The following OTUB2 variants were observed in gnomAD, a reference collection of about 807,000 sequenced individuals.
The protein encoded by OTUB2 is ubiquitin thioesterase OTUB2.
In OTUB2, 21 loss-of-function variants were observed where a neutral mutation model predicts 25.1. The observed-to-expected ratio is 0.84, with a 90% CI of 0.59 to 1.21. The LOEUF (loss-of-function observed/expected upper bound fraction) is 1.21, where lower values mean the gene tolerates loss of function less well. Ranked by LOEUF, OTUB2 falls within the 50% of genes most tolerant of loss-of-function variation. The pLI, the probability that OTUB2 is intolerant of heterozygous loss-of-function variation, is 0.00. For missense variants in OTUB2, 283 were observed against 298.0 expected, an observed-to-expected ratio of 0.95 and a Z score of 0.37; for synonymous variants, 122 against 122.8, an observed-to-expected ratio of 0.99 and a Z score of 0.04.
At chr14:94,031,106 T>C (rs1347181419) in intron 1 of OTUB2, among the ~76,000 whole-genome samples, 1 of 151,956 alleles carries the variant, frequency 6.6e-6, no homozygotes, top group Non-Finnish European at 1.5e-5. Context: ...ATCGCTCACC[T>C]CATCAATACA....
chr14:94,038,860 A>T, intron 2 of OTUB2, 103 bp from the exon 3 acceptor site: 2 of 982,082 alleles, frequency 2.0e-6, no homozygotes, highest in Admixed American at 3.4e-5. Context: ...GAGGGAGCAG[A>T]CATTTCCTGG....
At chr14:94,040,592 A>C (rs1885142384) in intron 3 of OTUB2, among the ~76,000 whole-genome samples, 1 of 152,036 alleles carries the variant, frequency 6.6e-6, no homozygotes, top group African/African-American at 2.4e-5. Flanking sequence ...CAGCGCCTGC[A>C]TTTCTCTCTG....
At chr14:94,035,479 C>T (rs781017510) in intron 1 of OTUB2, among the ~76,000 whole-genome samples, 12 of 151,832 alleles carry the variant, frequency 7.9e-5, no homozygotes, top group Middle Eastern at 3.4e-3. Flanking sequence ...TTAGTAGAGA[C>T]GAGGTTTCGC....
intron 3 of OTUB2, 31 bp downstream of exon 3, chr14:94,039,112 G>A: frequency 6.5e-7 from 1 of 1,547,688 alleles, no homozygotes; most frequent in Non-Finnish European, 8.9e-7. Flanking sequence ...GCCTGTCAGG[G>A]CTGTGTTCTC....
intron 5 of OTUB2, among the ~76,000 whole-genome samples, chr14:94,045,187 GC>G (rs1885246712): frequency 6.6e-6 from 1 of 152,170 alleles, no homozygotes; most frequent in African/African-American, 2.4e-5. Context: ...CCAGGTCCTT[GC>G]TCTTGCAGGG....
Position 94,043,854 on chromosome 14 carries a change from C to T in OTUB2, c.219-117C>T, listed in dbSNP as rs74543970. ...TTGGGGGCAGGGGCGGGAGGTTCTG[C>T]GGCTGGACTAGAGATGAGGTTGGTG... On this transcript the variant is annotated intron_variant, in intron 3 of 5. Coordinates refer to ENST00000203664, the MANE Select transcript of OTUB2 (RefSeq NM_023112.4). The T allele has an allele frequency of 5.9e-3, 5,272 of 890,362 alleles. 158 individuals are homozygous for T. The African/African-American group carries it at 0.072, about 12-fold the overall frequency. The allele number at this position is 890,362 out of a possible 1,614,324, so 55.2% of individuals were successfully genotyped here.
chr14:94,045,821 GC>G lies in OTUB2; in HGVS notation c.607del (p.Leu203Ter), dbSNP rs1885264876. 1 of 1,614,148 alleles carries G rather than the reference GC, an allele frequency of 6.2e-7. No individual in the cohort carries two copies. Among genetic ancestry groups the G allele is most frequent in the East Asian group, 2.2e-5 (1 of 44,878 alleles). On this transcript the variant is annotated frameshift_variant, in exon 6 of 6. Transcript: ENST00000203664. LOFTEE classifies it high-confidence loss of function. ...QVEYVDEMDT[A>X]LNHHVFPEAA... ...GGAGTACGTGGACGAGATGGATACC[GC>G]CCTGAACCACCACGTGTTCCCTGAG...
At chr14:94,041,811 T>C (rs12435223) in intron 3 of OTUB2, among the ~76,000 whole-genome samples, 11,977 of 152,290 alleles carry the variant, frequency 0.079, 1,398 homozygotes, top group African/African-American at 0.25. Flanking sequence ...GGCTGTGGGT[T>C]CCTTGGGCCC....
chr14:94,030,023 A>G (rs1156822809), intron 1 of OTUB2, among the ~76,000 whole-genome samples: 1 of 152,198 alleles, frequency 6.6e-6, no homozygotes, highest in African/African-American at 2.4e-5. Context: ...GAAGGAACAC[A>G]GAGAGGGCCA....
At chr14:94,033,634 C>T (rs539214812) in intron 1 of OTUB2, among the ~76,000 whole-genome samples, 3 of 152,322 alleles carry the variant, frequency 2.0e-5, no homozygotes, top group Admixed American at 2.0e-4. Flanking sequence ...TCTGTATAAA[C>T]AACAAGGCTT....
intron 1 of OTUB2, among the ~76,000 whole-genome samples, chr14:94,029,846 G>T (rs1884927335): frequency 6.6e-6 from 1 of 152,188 alleles, no homozygotes; most frequent in Admixed American, 6.5e-5. Context: ...GTAAACAGGC[G>T]AGCCTATGAG....
At position 94,046,967 on chromosome 14, in the gene OTUB2, A is replaced by G. The variant is rs1567054885; in HGVS notation, c.*1045A>G. The G allele has an allele frequency of 1.3e-5, 2 of 152,416 alleles. No individual in the cohort carries two copies. The highest frequency in any genetic ancestry group is 1.5e-5 in the Non-Finnish European group (1 of 68,266). The allele number at this position is 152,416 out of a possible 1,614,324, so 9.4% of individuals were successfully genotyped here. A position where few individuals can be genotyped will look rare whatever the true frequency, so the allele number is the denominator to read the frequency against. Reference sequence around the variant, plus strand: ...ATTTCCACTGTGGAAACCGCCTGGGAATTCCGGCCAGCAGCTTCCTCCTTC... The same window carrying G: ...ATTTCCACTGTGGAAACCGCCTGGGGATTCCGGCCAGCAGCTTCCTCCTTC... On this transcript the variant is annotated 3_prime_UTR_variant, in exon 6 of 6. Transcript: ENST00000203664.
intron 1 of OTUB2, among the ~76,000 whole-genome samples, chr14:94,033,292 C>T (rs961103122): frequency 1.3e-5 from 2 of 152,170 alleles, no homozygotes; most frequent in Non-Finnish European, 1.5e-5. Flanking sequence ...GTTAATAGAG[C>T]AAGTGGAAAC....
chr14:94,048,838 G>A lies in OTUB2; in HGVS notation c.*2916G>A, dbSNP rs1885333765. 6.6e-6 allele frequency: 1 copy of A among 152,282 alleles called. No individual in the cohort carries two copies. Among genetic ancestry groups the A allele is most frequent in the South Asian group, 2.1e-4 (1 of 4,836 alleles). The allele number at this position is 152,282 out of a possible 1,614,324, so 9.4% of individuals were successfully genotyped here. On this transcript the variant is annotated 3_prime_UTR_variant, in exon 6 of 6. Coordinates refer to ENST00000203664, the MANE Select transcript of OTUB2 (RefSeq NM_023112.4). ...CTGTAACTCAGTGAGTGGCTTCCAG[G>A]GGCCCCAGGCCCTGCTGGATGTGGG...
intron 1 of OTUB2, among the ~76,000 whole-genome samples, chr14:94,027,184 C>G (rs891640477): frequency 6.6e-6 from 1 of 152,244 alleles, no homozygotes; most frequent in Non-Finnish European, 1.5e-5. Flanking sequence ...CAGAGACCCT[C>G]TGAGCCAGGC....
Position 94,026,392 on chromosome 14 carries a change from G to A in OTUB2, c.-146G>A. Reference sequence around the variant, plus strand: ...GGAGGTCTAACCTTTGGTTTGCGGAGCGGTCGGGTGTATTCTCCGCCGCCC... The same window carrying A: ...GGAGGTCTAACCTTTGGTTTGCGGAACGGTCGGGTGTATTCTCCGCCGCCC... On this transcript the variant is annotated 5_prime_UTR_variant, in exon 1 of 6. Transcript: ENST00000203664. The A allele has an allele frequency of 7.9e-7, 1 of 1,261,812 alleles. No homozygotes were observed. The highest frequency in any genetic ancestry group is 1.0e-6 in the Non-Finnish European group (1 of 1,001,832). The allele number at this position is 1,261,812 out of a possible 1,614,324, so 78.2% of individuals were successfully genotyped here.
At chr14:94,032,822 T>C (rs1884987207) in intron 1 of OTUB2, among the ~76,000 whole-genome samples, 1 of 152,214 alleles carries the variant, frequency 6.6e-6, no homozygotes, top group African/African-American at 2.4e-5. Context: ...GAACAAAACC[T>C]GAAAAAATTC....
chr14:94,041,967 T>G (rs2141413353), intron 3 of OTUB2, among the ~76,000 whole-genome samples: 1 of 152,330 alleles, frequency 6.6e-6, no homozygotes, highest in Non-Finnish European at 1.5e-5. Context: ...AGCGTCAGCG[T>G]CATGCATCCT....
chr14:94,041,577 G>A (rs1885162689), intron 3 of OTUB2, among the ~76,000 whole-genome samples: 1 of 151,892 alleles, frequency 6.6e-6, no homozygotes, highest in Non-Finnish European at 1.5e-5. Context: ...CACAAAAACC[G>A]AGACCATGTC....
Sources: gnomAD v4.1 joint callset for allele counts (sites outside exome capture counted in the v4.1 genomes callset) on GRCh38, gnomAD v4.1.1 for gene constraint, MANE v1.5 for transcripts, NCBI Gene and HGNC (gene_info 2026-07-23, HGNC 2026-07-21) for gene names.